CAMK2D: variants seen among roughly 807,000 people sequenced by gnomAD.
CAMK2D encodes the protein calcium/calmodulin-dependent protein kinase type II subunit delta.
Under a neutral mutation model 84.0 loss-of-function variants are expected in CAMK2D, and 37 were observed. The ratio of observed to expected loss-of-function variants is 0.44; its 90% CI spans 0.34 to 0.58. The LOEUF (loss-of-function observed/expected upper bound fraction) is 0.58, where lower values mean the gene tolerates loss of function less well. Ranked by LOEUF, CAMK2D falls within the 20% of genes least tolerant of loss-of-function variation. The pLI is 0.02. For missense variants in CAMK2D, 448 were observed against 652.5 expected, an observed-to-expected ratio of 0.69 and a Z score of 3.41; for synonymous variants, 202 against 212.5, an observed-to-expected ratio of 0.95 and a Z score of 0.43.
chr4:113,654,012 A>C (rs1284452409), intron 3 of CAMK2D, among the ~76,000 whole-genome samples: 1 of 152,016 alleles, frequency 6.6e-6, no homozygotes, highest in Non-Finnish European at 1.5e-5. Flanking sequence ...AACTAGGGAG[A>C]TCTAAGATTG....
intron 4 of CAMK2D, among the ~76,000 whole-genome samples, chr4:113,564,174 G>C (rs192506001): frequency 3.7e-4 from 57 of 152,174 alleles, no homozygotes; most frequent in African/African-American, 1.4e-3. Flanking sequence ...AGGTATCAGT[G>C]ACCTCCTCCT....
intron 16 of CAMK2D, among the ~76,000 whole-genome samples, chr4:113,484,473 C>CTGAG (rs2097744177): frequency 6.6e-6 from 1 of 151,976 alleles, no homozygotes; most frequent in African/African-American, 2.4e-5. Context: ...TTGCAATGTC[C>CTGAG]TGAGTCCCTT....
chr4:113,616,435 T>G (rs17630676), intron 3 of CAMK2D, among the ~76,000 whole-genome samples: 9,473 of 152,224 alleles, frequency 0.062, 525 homozygotes, highest in East Asian at 0.2. Context: ...AGGATCAGAT[T>G]AGTATAATAG....
intron 6 of CAMK2D, among the ~76,000 whole-genome samples, chr4:113,537,729 G>A (rs543535317): frequency 6.6e-6 from 1 of 152,298 alleles, no homozygotes; most frequent in East Asian, 1.9e-4. Context: ...GTCTTGACCT[G>A]CTCACATGTT....
chr4:113,540,116 T>C (rs867271879), intron 6 of CAMK2D, among the ~76,000 whole-genome samples: 2 of 152,310 alleles, frequency 1.3e-5, no homozygotes, highest in South Asian at 2.1e-4. Context: ...TAAGACTTTC[T>C]AAAGCAACAT....
At chr4:113,454,578 C>T in intron 20 of CAMK2D, 63 bp from the exon 21 acceptor site, 2 of 770,922 alleles carry the variant, frequency 2.6e-6, no homozygotes, top group East Asian at 2.4e-5. Flanking sequence ...CATCAAATTG[C>T]TTTGCCATAG....
intron 8 of CAMK2D, among the ~76,000 whole-genome samples, chr4:113,525,274 A>G (rs1423337624): frequency 6.6e-6 from 1 of 152,234 alleles, no homozygotes; most frequent in Non-Finnish European, 1.5e-5. Context: ...AAGACAACAC[A>G]TATGTACATA....
intron 5 of CAMK2D, 119 bp downstream of exon 5, chr4:113,551,912 A>T (rs771753618): frequency 1.7e-5 from 8 of 466,504 alleles, no homozygotes; most frequent in Non-Finnish European, 3.1e-5. Flanking sequence ...TTTCTCTAAG[A>T]ATCATCCCGG....
At chr4:113,501,468 G>C (rs1170850249) in intron 15 of CAMK2D, among the ~76,000 whole-genome samples, 2 of 151,942 alleles carry the variant, frequency 1.3e-5, no homozygotes, top group African/African-American at 2.4e-5. Flanking sequence ...GCTCAGTAAT[G>C]GAAAACAGAT....
chr4:113,656,632 G>A (rs1019282711), intron 3 of CAMK2D, among the ~76,000 whole-genome samples: 4 of 151,986 alleles, frequency 2.6e-5, no homozygotes, highest in African/African-American at 9.7e-5. Flanking sequence ...ATATCTACCT[G>A]CCCTGTTCAG....
intron 2 of CAMK2D, among the ~76,000 whole-genome samples, chr4:113,677,012 G>A (rs1368278339): frequency 2.6e-5 from 4 of 152,156 alleles, no homozygotes; most frequent in Admixed American, 6.5e-5. Flanking sequence ...AAACCCTAAA[G>A]GCGAAGAGCT....
At chr4:113,684,700 A>T (rs975141259) in intron 2 of CAMK2D, among the ~76,000 whole-genome samples, 1 of 152,214 alleles carries the variant, frequency 6.6e-6, no homozygotes, top group African/African-American at 2.4e-5. Flanking sequence ...AGCTTCAGAA[A>T]TATTTACCAA....
intron 7 of CAMK2D, among the ~76,000 whole-genome samples, chr4:113,536,101 G>C (rs201481448): frequency 6.6e-6 from 1 of 152,094 alleles, no homozygotes; most frequent in East Asian, 1.9e-4. Context: ...CCCTACCTTC[G>C]TTCAGTTTGC....
At chr4:113,551,679 C>T (rs956638341) in intron 5 of CAMK2D, among the ~76,000 whole-genome samples, 4 of 152,080 alleles carry the variant, frequency 2.6e-5, no homozygotes, top group Non-Finnish European at 5.9e-5. Context: ...TTGCAATAGC[C>T]ACATGTGACT....
At chr4:113,489,096 A>T (rs1249762861) in intron 16 of CAMK2D, among the ~76,000 whole-genome samples, 2 of 152,236 alleles carry the variant, frequency 1.3e-5, no homozygotes. Flanking sequence ...ATTCTGATAC[A>T]ACACTTAAAA....
chr4:113,653,972 A>T (rs2099187554), intron 3 of CAMK2D, among the ~76,000 whole-genome samples: 1 of 152,022 alleles, frequency 6.6e-6, no homozygotes, highest in Non-Finnish European at 1.5e-5. Flanking sequence ...AACTTGAGGA[A>T]TGGTATTTGA....
At chr4:113,735,289 GAAAAAAAAAAAAA>G (rs769117708) in intron 2 of CAMK2D, among the ~76,000 whole-genome samples, 3,501 of 44,734 alleles carry the variant, frequency 0.078, 165 homozygotes, top group African/African-American at 0.14. Flanking sequence ...ATCTCTACAG[GAAAAAAAAAAAAA>G]AAAAAAAAAA....
rs1192428954 is a variant in CAMK2D, at chr4:113,485,654, C to T, written c.1135+14809G>A. On this transcript the variant is annotated intron_variant, in intron 16 of 20. Coordinates refer to ENST00000511664, the MANE Select transcript of CAMK2D (RefSeq NM_001321571.2). ...GACATCTTACCACATCTTTCCTCTG[C>T]TTAAAACTTTCTGATATTCCTCAGG... Among the ~76,000 whole-genome samples, 3 of 152,204 alleles carry T rather than the reference C, an allele frequency of 2.0e-5. No individual in the cohort carries two copies. In the East Asian group the frequency reaches 5.8e-4, roughly 29 times the overall value.
intron 12 of CAMK2D, chr4:113,513,071 C>T (rs2098238144): frequency 4.0e-6 from 2 of 499,164 alleles, no homozygotes; most frequent in Non-Finnish European, 5.2e-6. Context: ...TAGTCCTGCA[C>T]CAGCACTGAC....
Sources: gnomAD v4.1 joint callset for allele counts (sites outside exome capture counted in the v4.1 genomes callset) on GRCh38, gnomAD v4.1.1 for gene constraint, MANE v1.5 for transcripts, NCBI Gene and HGNC (gene_info 2026-07-23, HGNC 2026-07-21) for gene names.